MAP7D2: variants seen among roughly 807,000 people sequenced by gnomAD.
MAP7D2 encodes the protein MAP7 domain-containing protein 2.
Under a neutral mutation model 63.5 loss-of-function variants are expected in MAP7D2, and 33 were observed. That is an observed-to-expected ratio of 0.52 (90% CI 0.39 to 0.70). The LOEUF (loss-of-function observed/expected upper bound fraction) is 0.70. Ranked by LOEUF, MAP7D2 falls within the 30% of genes least tolerant of loss-of-function variation. The probability of loss-of-function intolerance (pLI) is 0.00; values close to 1 mark genes in which losing one functional copy is unlikely to be tolerated. For missense variants in MAP7D2, 626 were observed against 604.0 expected (o/e 1.04, Z -0.38); for synonymous variants, 224 against 223.7 (o/e 1.00, Z -0.01).
At chrX:20,044,273 AACAG>A in intron 7 of MAP7D2, 87 bp downstream of exon 7, 1 of 946,774 alleles carries the variant, frequency 1.1e-6, no homozygotes, top group East Asian at 3.1e-5. Flanking sequence ...GATTGATGGA[AACAG>A]ACAGCCCAGG....
chrX:20,051,640 T>C (rs905871533), intron 5 of MAP7D2, among the ~76,000 whole-genome samples: 7 of 112,030 alleles, frequency 6.2e-5, no homozygotes, highest in Non-Finnish European at 1.1e-4. Context: ...AACACTTGTT[T>C]TAGGTCCTGC....
At chrX:20,046,471 C>T (rs1299910595) in intron 6 of MAP7D2, among the ~76,000 whole-genome samples, 1 of 112,862 alleles carries the variant, frequency 8.9e-6, no homozygotes, top group Non-Finnish European at 1.9e-5. Flanking sequence ...AGTGTCACTG[C>T]TGTTGATGCT....
intron 5 of MAP7D2, among the ~76,000 whole-genome samples, chrX:20,051,805 A>G (rs2064959717): frequency 8.9e-6 from 1 of 112,556 alleles, no homozygotes; most frequent in Non-Finnish European, 1.9e-5. Flanking sequence ...ATCAGCTTTA[A>G]TGAAAGACAA....
intron 1 of MAP7D2, among the ~76,000 whole-genome samples, chrX:20,067,727 C>T (rs1003551711): frequency 8.9e-6 from 1 of 112,210 alleles, no homozygotes; most frequent in Non-Finnish European, 1.9e-5. Context: ...TTCCCTGGCA[C>T]GGGAAGAAAT....
intron 8 of MAP7D2, among the ~76,000 whole-genome samples, chrX:20,029,180 G>T (rs768161885): frequency 2.7e-5 from 3 of 112,357 alleles, no homozygotes; most frequent in Non-Finnish European, 5.6e-5. Flanking sequence ...TTCTGCCCAT[G>T]AATGGGTAGG....
intron 10 of MAP7D2, among the ~76,000 whole-genome samples, chrX:20,020,788 C>T (rs764561254): frequency 1.4e-4 from 16 of 112,064 alleles, no homozygotes; most frequent in Non-Finnish European, 2.1e-4. Context: ...ACTCTTGCTT[C>T]GACAAGAAAC....
At chrX:20,071,554 G>A (rs988487586) in intron 1 of MAP7D2, among the ~76,000 whole-genome samples, 6 of 111,979 alleles carry the variant, frequency 5.4e-5, no homozygotes, top group African/African-American at 1.9e-4. Context: ...CAAGCTTCCA[G>A]GTGAGGCTGA....
intron 1 of MAP7D2, among the ~76,000 whole-genome samples, chrX:20,103,701 C>T (rs4825250): frequency 0.36 from 40,464 of 110,932 alleles, 8,283 homozygotes; most frequent in African/African-American, 0.79. Context: ...AATTTAGAAA[C>T]AATTAAAAAC....
At chrX:20,062,120 A>G (rs773269086) in intron 3 of MAP7D2, among the ~76,000 whole-genome samples, 1 of 112,663 alleles carries the variant, frequency 8.9e-6, no homozygotes, top group East Asian at 2.8e-4. Flanking sequence ...GAAGTAACTA[A>G]ACAGAATGTA....
At chrX:20,050,501 G>T (rs1311004712) in intron 6 of MAP7D2, among the ~76,000 whole-genome samples, 1 of 111,769 alleles carries the variant, frequency 8.9e-6, no homozygotes, top group Admixed American at 9.5e-5. Flanking sequence ...GGTAGAGCTG[G>T]CTATGGGACA....
intron 6 of MAP7D2, among the ~76,000 whole-genome samples, chrX:20,045,172 C>T (rs1438527511): frequency 9.0e-6 from 1 of 110,980 alleles, no homozygotes; most frequent in Non-Finnish European, 1.9e-5. Context: ...CATGTGACTC[C>T]ACTGGAAGAA....
At chrX:20,049,731 T>C (rs922781364) in intron 6 of MAP7D2, 4 of 239,385 alleles carry the variant, frequency 1.7e-5, no homozygotes, top group Admixed American at 1.4e-4. Flanking sequence ...ATGGGAACTC[T>C]ATGCTTAAGT....
At chrX:20,034,892 G>GT (rs1176984164) in intron 8 of MAP7D2, among the ~76,000 whole-genome samples, 1 of 111,510 alleles carries the variant, frequency 9.0e-6, no homozygotes, top group Non-Finnish European at 1.9e-5. Context: ...AGATTGCTAA[G>GT]TATAAAATAC....
In MAP7D2 at chrX:20,079,376, C is replaced by T. The variant is rs753547286; in HGVS notation, c.131-14571G>A. ...CTGGTTCGTTGGTCCTGAACTCTTC[C>T]TTGACAGCTGTTATCTTCCAGGGTA... On this transcript the variant is annotated intron_variant, in intron 1 of 16. Coordinates refer to ENST00000379643, the MANE Select transcript of MAP7D2 (RefSeq NM_001168465.2). 1.1e-4 allele frequency among the ~76,000 whole-genome samples: 12 copies of T among 112,421 alleles called. No homozygotes were observed. In the South Asian group the frequency reaches 4.5e-3, roughly 42 times the overall value.
Position 20,086,424 on chromosome X carries a change from G to C in MAP7D2, c.131-21619C>G, listed in dbSNP as rs1001206420. The stretch of plus-strand genomic sequence containing the variant: ...AGGTGATTAGAATCTGAATGGAAAG[G>C]AAAGGATAATTCTAGTATGAAAAGG... On this transcript the variant is annotated intron_variant, in intron 1 of 16. Coordinates refer to ENST00000379643, the MANE Select transcript of MAP7D2 (RefSeq NM_001168465.2). Among the ~76,000 whole-genome samples the C allele has an allele frequency of 4.1e-4, 46 of 112,422 alleles. 1 individual carries two copies. The highest frequency in any genetic ancestry group is 1.5e-3 in the African/African-American group (45 of 30,929).
intron 1 of MAP7D2, among the ~76,000 whole-genome samples, chrX:20,086,840 C>T (rs1483162381): frequency 9.0e-6 from 1 of 111,176 alleles, no homozygotes; most frequent in Non-Finnish European, 1.9e-5. Context: ...AGTGCAGTGG[C>T]GCTATCTCAG....
intron 1 of MAP7D2, among the ~76,000 whole-genome samples, chrX:20,079,815 C>T (rs191618881): frequency 1.8e-5 from 2 of 111,176 alleles, no homozygotes; most frequent in East Asian, 5.7e-4. Context: ...CAGATGACCA[C>T]TGGGCCCCAA....
At position 20,116,855 on chromosome X, in the gene MAP7D2, C is replaced by T. The variant is rs757626702; in HGVS notation, c.25G>A (p.Gly9Arg). The part of the protein sequence containing the change: MERGGGGS[G>R]TGSRPEGTAR... ...GTCCCCTCAGGCCGGGATCCCGTCC[C>T]GGAGCCGCCGCCGCCGCGCTCCATC... The change falls in exon 1 of 17, where the codon GGG becomes AGG. Residue 9 changes from glycine to arginine, a missense_variant. By Grantham distance (125) the Gly-to-Arg change is moderately radical. Transcript: ENST00000379643. The T allele has an allele frequency of 9.6e-5, 111 of 1,150,720 alleles. No homozygotes were observed. The highest frequency in any genetic ancestry group is 1.2e-4 in the Non-Finnish European group (108 of 867,613). 94.8% of individuals were successfully genotyped at this position (1,150,720 alleles called of 1,213,427 possible).
At chrX:20,059,128 T>G (rs1401261035) in intron 3 of MAP7D2, among the ~76,000 whole-genome samples, 2 of 112,419 alleles carry the variant, frequency 1.8e-5, no homozygotes, top group African/African-American at 6.5e-5. Context: ...TAGTATGCAG[T>G]AAGTCCTTAA....
Sources: gnomAD v4.1 joint callset for allele counts (sites outside exome capture counted in the v4.1 genomes callset) on GRCh38, gnomAD v4.1.1 for gene constraint, MANE v1.5 for transcripts, NCBI Gene and HGNC (gene_info 2026-07-23, HGNC 2026-07-21) for gene names.